KAT6A: variants seen among roughly 807,000 people sequenced by gnomAD.
KAT6A encodes the protein histone acetyltransferase KAT6A.
KAT6A carries 9 observed loss-of-function variants against 198.4 expected under a neutral mutation model. The observed-to-expected ratio is 0.05, with a 90% CI of 0.03 to 0.08. The LOEUF (loss-of-function observed/expected upper bound fraction) is 0.08, where lower values mean the gene tolerates loss of function less well. Ranked by LOEUF, KAT6A falls within the 10% of genes least tolerant of loss-of-function variation. The pLI is 1.00. For synonymous variants in KAT6A, 890 were observed against 883.0 expected (o/e 1.01, Z -0.14); for missense variants, 2,077 against 2,509.9 (o/e 0.83, Z 3.69).
Position 41,931,502 on chromosome 8 carries a change from G to C in KAT6A, c.*703C>G, listed in dbSNP as rs1821540720. On this transcript the variant is annotated 3_prime_UTR_variant, in exon 17 of 17. Transcript: ENST00000265713. ...AAAAATTATATTACACTTGATTCAAGAACAACAAAGATTTCAATGAAGTCC... is the reference window on the plus strand; with the variant it reads ...AAAAATTATATTACACTTGATTCAACAACAACAAAGATTTCAATGAAGTCC... 4.8e-6 allele frequency: 1 copy of C among 207,196 alleles called. No homozygotes were observed. Among genetic ancestry groups the C allele is most frequent in the Admixed American group, 6.0e-5 (1 of 16,792 alleles). 12.8% of individuals were successfully genotyped at this position (207,196 alleles called of 1,614,324 possible).
At chr8:41,975,265 T>TA (rs1471356057) in intron 7 of KAT6A, among the ~76,000 whole-genome samples, 1 of 152,162 alleles carries the variant, frequency 6.6e-6, no homozygotes, top group Non-Finnish European at 1.5e-5. Flanking sequence ...CTTTTAAAGT[T>TA]AAAGCACAAA....
At chr8:41,957,464 TTTTTA>T (rs1166760376) in intron 8 of KAT6A, 4 of 327,588 alleles carry the variant, frequency 1.2e-5, no homozygotes, top group African/African-American at 4.3e-5. Flanking sequence ...TTGCTAGGTC[TTTTTA>T]TTTTAACATT....
chr8:41,945,824 C>T (rs1822354183), intron 12 of KAT6A, among the ~76,000 whole-genome samples: 2 of 151,864 alleles, frequency 1.3e-5, no homozygotes, highest in South Asian at 4.2e-4. Flanking sequence ...GTCAGGAGAT[C>T]GAGACCATCC....
At chr8:42,036,475 T>C (rs1398469584) in intron 2 of KAT6A, among the ~76,000 whole-genome samples, 1 of 151,832 alleles carries the variant, frequency 6.6e-6, no homozygotes, top group Non-Finnish European at 1.5e-5. Flanking sequence ...TAGCCAGGGG[T>C]GGTAGCAGGC....
At chr8:41,979,075 C>T (rs1240697482) in intron 5 of KAT6A, among the ~76,000 whole-genome samples, 2 of 152,146 alleles carry the variant, frequency 1.3e-5, no homozygotes, top group African/African-American at 4.8e-5. Context: ...TAAGACCAGC[C>T]TGGCCAACAT....
chr8:42,036,229 C>T lies in KAT6A; in HGVS notation c.600+12149G>A, dbSNP rs148082187. On this transcript the variant is annotated intron_variant, in intron 2 of 16. Transcript: ENST00000265713. The stretch of plus-strand genomic sequence containing the variant: ...ACAGAACAGACTATACACAGACATA[C>T]ATCTTCAAGCAGAGGGCAGAGCTCA... Among the ~76,000 whole-genome samples, 331 of 152,098 alleles carry T rather than the reference C, an allele frequency of 2.2e-3. 4 individuals are homozygous for T. The highest frequency in any genetic ancestry group is 0.016 in the Admixed American group (238 of 15,274).
intron 3 of KAT6A, among the ~76,000 whole-genome samples, chr8:41,986,368 C>T (rs1824602669): frequency 6.6e-6 from 1 of 152,108 alleles, no homozygotes; most frequent in Admixed American, 6.6e-5. Context: ...ACACTATTTC[C>T]CAATGTGACA....
At chr8:41,938,782 T>A (rs1821966014) in intron 15 of KAT6A, among the ~76,000 whole-genome samples, 1 of 151,558 alleles carries the variant, frequency 6.6e-6, no homozygotes, top group East Asian at 1.9e-4. Context: ...CCTGTCTCTA[T>A]CAAAAGTACA....
intron 8 of KAT6A, among the ~76,000 whole-genome samples, chr8:41,967,955 C>A (rs1038956254): frequency 1.3e-5 from 2 of 152,116 alleles, no homozygotes; most frequent in South Asian, 4.2e-4. Flanking sequence ...CTTCCTTACA[C>A]CTTATACAAA....
chr8:41,940,712 G>T, intron 15 of KAT6A, 130 bp downstream of exon 15: 1 of 1,106,408 alleles, frequency 9.0e-7, no homozygotes, highest in Non-Finnish European at 1.3e-6. Context: ...AATATACAGA[G>T]GCTTAAGGTT....
In KAT6A at chr8:42,048,620, T is replaced by G. The variant is rs771556654; in HGVS notation, c.358A>C (p.Ser120Arg). The part of the protein sequence containing the change: ...LAESGGSTLK[S>R]IERFLKGQKD... The stretch of plus-strand genomic sequence containing the variant: ...TGACCTTTCAAAAAACGTTCAATGC[T>G]TTTCAAAGTTGAGCCACCAGACTCT... Residue 120 changes from serine (S) to arginine (R), a missense_variant, in exon 2 of 17, where the codon AGC (serine) becomes CGC (arginine). This residue lies in a region of KAT6A where 185 missense variants were observed against 185.7 expected (regional missense o/e 1.00). Coordinates refer to ENST00000265713, the MANE Select transcript of KAT6A (RefSeq NM_006766.5). 1 of 1,614,200 alleles carries G rather than the reference T, an allele frequency of 6.2e-7. No individual in the cohort carries two copies. Among genetic ancestry groups the G allele is most frequent in the African/African-American group, 1.3e-5 (1 of 75,058 alleles).
intron 2 of KAT6A, among the ~76,000 whole-genome samples, chr8:42,037,554 C>T (rs1564081377): frequency 6.6e-6 from 1 of 152,212 alleles, no homozygotes; most frequent in Non-Finnish European, 1.5e-5. Flanking sequence ...TTCAGGTCAA[C>T]TACAGTTCAC....
At chr8:42,039,546 G>T (rs2150926628) in intron 2 of KAT6A, among the ~76,000 whole-genome samples, 1 of 152,228 alleles carries the variant, frequency 6.6e-6, no homozygotes, top group East Asian at 1.9e-4. Context: ...ATTCATCACA[G>T]TTCCTGTTAT....
chr8:42,042,608 AG>A (rs574066150), intron 2 of KAT6A, among the ~76,000 whole-genome samples: 3 of 152,240 alleles, frequency 2.0e-5, no homozygotes, highest in Non-Finnish European at 4.4e-5. Context: ...GATGTAACTT[AG>A]AGTAGAAGGC....
At chr8:41,944,520 T>C (rs1239557430) in intron 12 of KAT6A, among the ~76,000 whole-genome samples, 2 of 152,188 alleles carry the variant, frequency 1.3e-5, no homozygotes, top group East Asian at 1.9e-4. Context: ...CTGTCCTCTA[T>C]AGTGCACAAC....
intron 8 of KAT6A, among the ~76,000 whole-genome samples, chr8:41,970,037 T>C (rs1418562573): frequency 6.6e-6 from 1 of 152,226 alleles, no homozygotes; most frequent in East Asian, 1.9e-4. Context: ...AACCCCTCAC[T>C]GCATTCTCAT....
intron 6 of KAT6A, among the ~76,000 whole-genome samples, chr8:41,978,330 G>C (rs1002677669): frequency 6.6e-6 from 1 of 152,142 alleles, no homozygotes; most frequent in Non-Finnish European, 1.5e-5. Context: ...TCAGACTTTG[G>C]TGCCAGACTA....
chr8:41,951,060 A>G (rs1822646338), intron 9 of KAT6A, among the ~76,000 whole-genome samples: 2 of 152,136 alleles, frequency 1.3e-5, no homozygotes. Context: ...TCAAGAAAAC[A>G]TCAGGAGAAA....
chr8:42,028,738 G>A (rs146687487), intron 2 of KAT6A, among the ~76,000 whole-genome samples: 2 of 152,254 alleles, frequency 1.3e-5, no homozygotes, highest in Non-Finnish European at 2.9e-5. Flanking sequence ...ATTGACAGCT[G>A]AAGACTTATC....
Sources: gnomAD v4.1 joint callset for allele counts (sites outside exome capture counted in the v4.1 genomes callset) on GRCh38, gnomAD v4.1.1 for gene constraint, gnomAD v4.1.1 regional missense constraint, MANE v1.5 for transcripts, NCBI Gene and HGNC (gene_info 2026-07-23, HGNC 2026-07-21) for gene names.